HEXA: variants seen among roughly 807,000 people sequenced by gnomAD.
The protein encoded by HEXA is beta-hexosaminidase subunit alpha.
In HEXA, 54 loss-of-function variants were observed where a neutral mutation model predicts 73.3. That is an observed-to-expected ratio of 0.74 (90% CI 0.59 to 0.92). HEXA has a LOEUF of 0.92. Ranked by LOEUF, HEXA falls within the 40% of genes least tolerant of loss-of-function variation. The pLI is 0.00. For synonymous variants in HEXA, 230 were observed against 246.9 expected (o/e 0.93, Z 0.64); for missense variants, 649 against 653.0 (o/e 0.99, Z 0.07).
At chr15:72,345,977 A>C (rs2088607099) in intron 12 of HEXA, 2 of 564,082 alleles carry the variant, frequency 3.5e-6, no homozygotes, top group East Asian at 6.1e-5. Flanking sequence ...TATGTTCTCC[A>C]GGCCTCATTA....
In HEXA at chr15:72,341,338, A is replaced by G. The variant is rs1307015548; in HGVS notation, c.*2739T>C. The G allele has an allele frequency of 6.6e-6, 1 of 152,178 alleles. No individual in the cohort carries two copies. The highest frequency in any genetic ancestry group is 6.5e-5 in the Admixed American group (1 of 15,280). The allele number at this position is 152,178 out of a possible 1,614,324, so 9.4% of individuals were successfully genotyped here. On this transcript the variant is annotated 3_prime_UTR_variant, in exon 14 of 14. Transcript: ENST00000268097. ...ACGGCAATCCTTTGAGAAGCACCTG[A>G]AAACACCAGTGACCTAGCTTTATTA...
At chr15:72,356,921 T>G (rs2088793060) in intron 1 of HEXA, 3 of 467,298 alleles carry the variant, frequency 6.4e-6, no homozygotes, top group Non-Finnish European at 4.0e-6. Flanking sequence ...CTCCATGACC[T>G]CAACAACTGC....
intron 1 of HEXA, among the ~76,000 whole-genome samples, chr15:72,368,077 A>C (rs1043599343): frequency 2.0e-5 from 3 of 152,232 alleles, no homozygotes; most frequent in Admixed American, 2.0e-4. Context: ...TACTATTGAC[A>C]ATTAAAGTTA....
intron 3 of HEXA, 109 bp downstream of exon 3, chr15:72,355,450 T>C: frequency 2.5e-6 from 2 of 807,632 alleles, no homozygotes; most frequent in South Asian, 2.7e-5. Context: ...TGCTTGAGCC[T>C]AGGAGGCAGA....
At chr15:72,365,183 A>G (rs1306860338) in intron 1 of HEXA, among the ~76,000 whole-genome samples, 2 of 152,110 alleles carry the variant, frequency 1.3e-5, no homozygotes, top group Admixed American at 6.5e-5. Context: ...TCCGCCTCCC[A>G]GGTTCATGCC....
chr15:72,363,895 T>C (rs2088884012), intron 1 of HEXA, among the ~76,000 whole-genome samples: 1 of 152,168 alleles, frequency 6.6e-6, no homozygotes, highest in Non-Finnish European at 1.5e-5. Context: ...GGGATAACTT[T>C]AGTTATAACA....
At chr15:72,345,764 AC>A in intron 12 of HEXA, 1 of 646,076 alleles carries the variant, frequency 1.5e-6, no homozygotes, top group Admixed American at 2.5e-5. Context: ...TAGCAATCCC[AC>A]TCTCTTCCTC....
intron 7 of HEXA, 44 bp from the exon 8 acceptor site, chr15:72,349,303 A>C (rs775809111): frequency 7.6e-6 from 11 of 1,448,532 alleles, no homozygotes; most frequent in Non-Finnish European, 8.7e-6. Flanking sequence ...AAATACATAA[A>C]CCCCCACGCA....
chr15:72,341,024 A>G lies in HEXA; in HGVS notation c.*3053T>C, dbSNP rs939364006. On this transcript the variant is annotated 3_prime_UTR_variant, in exon 14 of 14. Coordinates refer to ENST00000268097, the MANE Select transcript of HEXA (RefSeq NM_000520.6). Reference sequence around the variant, plus strand: ...CTACTTATTTTTTTTCTTCGTGGAAAAAAAAGTATGTGACACATACTTGTC... The same window carrying G: ...CTACTTATTTTTTTTCTTCGTGGAAGAAAAAGTATGTGACACATACTTGTC... 1.3e-5 allele frequency: 2 copies of G among 152,172 alleles called. No individual in the cohort carries two copies. The highest frequency in any genetic ancestry group is 4.8e-5 in the African/African-American group (2 of 41,444). 9.4% of individuals were successfully genotyped at this position (152,172 alleles called of 1,614,324 possible).
rs772715699 is a variant in HEXA, at chr15:72,375,700, G to A, written c.253+20C>T. The A allele has an allele frequency of 5.3e-5, 86 of 1,613,800 alleles. No individual in the cohort carries two copies. The highest frequency in any genetic ancestry group is 6.9e-5 in the Non-Finnish European group (82 of 1,179,944). ...GGCACTCTCAGGGCCCAGGAACAGG[G>A]CGGGACAAGTCCGACTCACCTGTGA... On this transcript the variant is annotated intron_variant, in intron 1 of 13. Coordinates refer to ENST00000268097, the MANE Select transcript of HEXA (RefSeq NM_000520.6).
intron 1 of HEXA, chr15:72,370,353 G>A (rs2088973028): frequency 3.0e-6 from 1 of 337,904 alleles, no homozygotes; most frequent in East Asian, 4.5e-5. Flanking sequence ...CCTTGATCAA[G>A]TTTAGCTTCT....
At chr15:72,347,336 A>G (rs962804346) in intron 10 of HEXA, among the ~76,000 whole-genome samples, 4 of 150,962 alleles carry the variant, frequency 2.6e-5, no homozygotes, top group African/African-American at 2.4e-5. Flanking sequence ...GCAGAGGCAC[A>G]TCTTGGCTCA....
At chr15:72,365,302 T>C (rs976137801) in intron 1 of HEXA, among the ~76,000 whole-genome samples, 16 of 152,198 alleles carry the variant, frequency 1.1e-4, no homozygotes, top group Admixed American at 2.6e-4. Context: ...TGTTTCACCA[T>C]GTTAGCCAGG....
Position 72,347,719 on chromosome 15 carries a change from C to G in HEXA, c.1113G>C (p.Val371=). The change falls in exon 10 of 14, where the codon GTG becomes GTC. Residue 371 remains valine, a synonymous_variant. Coordinates refer to ENST00000268097, the MANE Select transcript of HEXA (RefSeq NM_000520.6). The part of the protein sequence containing the change: ...DIVSSYGKGY[V]VWQEVFDNKV... ...TATTATCAAACACCTCCTGCCACAC[C>G]ACATAGCCCTTGCCATAAGAAGAGA... 5 of 1,614,198 alleles carry G rather than the reference C, an allele frequency of 3.1e-6. No individual in the cohort carries two copies. The highest frequency in any genetic ancestry group is 4.2e-6 in the Non-Finnish European group (5 of 1,180,040).
At chr15:72,365,347 C>T (rs1213753581) in intron 1 of HEXA, among the ~76,000 whole-genome samples, 1 of 152,326 alleles carries the variant, frequency 6.6e-6, no homozygotes, top group East Asian at 1.9e-4. Flanking sequence ...GATCCACCCG[C>T]CTTGGCCTCC....
At chr15:72,366,603 G>A (rs2088919616) in intron 1 of HEXA, among the ~76,000 whole-genome samples, 1 of 151,980 alleles carries the variant, frequency 6.6e-6, no homozygotes, top group African/African-American at 2.4e-5. Flanking sequence ...GAGCCACCAT[G>A]CCCAACCTTA....
chr15:72,347,678 C>G lies in HEXA; in HGVS notation c.1146+8G>C. 1 of 1,613,312 alleles carries G rather than the reference C, an allele frequency of 6.2e-7. No homozygotes were observed. The highest frequency in any genetic ancestry group is 8.5e-7 in the Non-Finnish European group (1 of 1,179,256). The stretch of plus-strand genomic sequence containing the variant: ...TGGTGGCTTCTTCTCTTCTCTGCCC[C>G]GGCTCACCTTTACTTTATTATCAAA... On this transcript the variant is annotated splice_region_variant and intron_variant, in intron 10 of 13. Transcript: ENST00000268097.
intron 1 of HEXA, among the ~76,000 whole-genome samples, chr15:72,371,715 G>C (rs34607939): frequency 6.6e-6 from 1 of 151,778 alleles, no homozygotes; most frequent in Non-Finnish European, 1.5e-5. Context: ...TATCTACAAC[G>C]TTCCAGATAC....
At chr15:72,363,537 G>A (rs894779871) in intron 1 of HEXA, among the ~76,000 whole-genome samples, 1 of 152,212 alleles carries the variant, frequency 6.6e-6, no homozygotes, top group Non-Finnish European at 1.5e-5. Flanking sequence ...CCAGTAAAGT[G>A]GGAGTCTGTG....
Sources: gnomAD v4.1 joint callset for allele counts (sites outside exome capture counted in the v4.1 genomes callset) on GRCh38, gnomAD v4.1.1 for gene constraint, MANE v1.5 for transcripts, NCBI Gene and HGNC (gene_info 2026-07-23, HGNC 2026-07-21) for gene names.